The following SYNPR variants were observed in gnomAD, a reference collection of about 807,000 sequenced individuals.
The protein encoded by SYNPR is synaptoporin.
A neutral mutation model predicts 32.9 loss-of-function variants in SYNPR; 23 were observed. The ratio of observed to expected loss-of-function variants is 0.70; its 90% CI spans 0.50 to 0.99. The LOEUF is 0.99. Ranked by LOEUF, SYNPR falls within the 50% of genes least tolerant of loss-of-function variation. SYNPR has a pLI of 0.00. For synonymous variants in SYNPR, 146 were observed against 135.9 expected, an observed-to-expected ratio of 1.07 and a Z score of -0.52; for missense variants, 318 against 349.3, an observed-to-expected ratio of 0.91 and a Z score of 0.71.
chr3:63,584,089 G>A (rs1393654609), intron 4 of SYNPR, among the ~76,000 whole-genome samples: 1 of 152,050 alleles, frequency 6.6e-6, no homozygotes, highest in East Asian at 1.9e-4. Flanking sequence ...TTCTTTTGCT[G>A]TCCTGTCGGC....
At chr3:63,340,292 T>C (rs995852232) in intron 2 of SYNPR, among the ~76,000 whole-genome samples, 3 of 152,168 alleles carry the variant, frequency 2.0e-5, no homozygotes, top group Admixed American at 6.5e-5. Context: ...AGGTTTTGTG[T>C]GGCCATAAGA....
intron 4 of SYNPR, among the ~76,000 whole-genome samples, chr3:63,580,050 G>A (rs1703062169): frequency 6.6e-6 from 1 of 152,080 alleles, no homozygotes; most frequent in South Asian, 2.1e-4. Context: ...TAATAGCTAA[G>A]GAGAAATTCA....
At chr3:63,232,219 T>TTTTTA (rs869164802) in intron 1 of SYNPR, among the ~76,000 whole-genome samples, 1 of 113,906 alleles carries the variant, frequency 8.8e-6, no homozygotes, top group African/African-American at 3.1e-5. Flanking sequence ...TTTTTTTTTT[T>TTTTTA]GAGACAGAGT....
upstream of SYNPR, among the ~76,000 whole-genome samples, chr3:63,274,623 C>T (rs2106911802): frequency 6.6e-6 from 1 of 152,314 alleles, no homozygotes; most frequent in South Asian, 2.1e-4. Flanking sequence ...TTTGGGAAGA[C>T]AGGAAACTTG....
intron 3 of SYNPR, among the ~76,000 whole-genome samples, chr3:63,490,034 G>T (rs940261082): frequency 3.9e-5 from 6 of 152,126 alleles, no homozygotes; most frequent in African/African-American, 1.4e-4. Flanking sequence ...AAATTAGGAA[G>T]GTTAAGGGAT....
At chr3:63,279,529 A>G (rs1335800534) in intron 2 of SYNPR, among the ~76,000 whole-genome samples, 1 of 152,196 alleles carries the variant, frequency 6.6e-6, no homozygotes, top group East Asian at 1.9e-4. Context: ...GGTTACCCAC[A>G]GGGCCACAGA....
At chr3:63,580,066 G>A (rs774867512) in intron 4 of SYNPR, among the ~76,000 whole-genome samples, 4 of 152,102 alleles carry the variant, frequency 2.6e-5, no homozygotes, top group South Asian at 4.1e-4. Flanking sequence ...ATTCATCCTC[G>A]CAGCCATTTC....
At chr3:63,304,617 C>T (rs2086891499) in intron 2 of SYNPR, among the ~76,000 whole-genome samples, 1 of 151,916 alleles carries the variant, frequency 6.6e-6, no homozygotes, top group South Asian at 2.1e-4. Flanking sequence ...AAGTGAGAAT[C>T]ATATGAATGA....
In SYNPR at chr3:63,595,747, A is replaced by AGT. The variant is rs1483225622; in HGVS notation, c.409-13378_409-13377insGT. Among the ~76,000 whole-genome samples the AGT allele has an allele frequency of 2.7e-4, 13 of 47,394 alleles. 3 individuals are homozygous for AGT. The highest frequency in any genetic ancestry group is 3.6e-4 in the Non-Finnish European group (11 of 30,836). The allele number at this position is 47,394 out of a possible 152,430, so 31.1% of individuals were successfully genotyped here. On this transcript the variant is annotated intron_variant, in intron 4 of 5. Coordinates refer to ENST00000478300, the MANE Select transcript of SYNPR (RefSeq NM_001130003.2). ...TATATATATATATATATATATATATATATATATATATATATATATATAATT... is the reference window on the plus strand; with the variant it reads ...TATATATATATATATATATATATATAGTTATATATATATATATATATATAATT...
intron 1 of SYNPR, among the ~76,000 whole-genome samples, chr3:63,232,257 A>T (rs1455245537): frequency 1.6e-5 from 2 of 126,678 alleles, no homozygotes; most frequent in Admixed American, 2.1e-4. Context: ...GCTGGAGTGC[A>T]ATGGCGTGAT....
At chr3:63,242,829 A>C (rs2086258326) in intron 1 of SYNPR, among the ~76,000 whole-genome samples, 1 of 152,122 alleles carries the variant, frequency 6.6e-6, no homozygotes, top group Non-Finnish European at 1.5e-5. Flanking sequence ...ATAGGTAAAA[A>C]AGGAAATAGA....
chr3:63,402,343 G>C (rs1428467384), intron 2 of SYNPR, among the ~76,000 whole-genome samples: 1 of 152,128 alleles, frequency 6.6e-6, no homozygotes, highest in Non-Finnish European at 1.5e-5. Flanking sequence ...GTAGAACGGG[G>C]AGAGGCAGAA....
intron 3 of SYNPR, among the ~76,000 whole-genome samples, chr3:63,517,129 T>C (rs1701815401): frequency 6.6e-6 from 1 of 152,128 alleles, no homozygotes. Flanking sequence ...CTAGATGTTT[T>C]GTAAACCAAA....
chr3:63,269,700 C>T (rs749308990), intron 3 of SYNPR, among the ~76,000 whole-genome samples: 11 of 152,148 alleles, frequency 7.2e-5, no homozygotes, highest in Non-Finnish European at 1.2e-4. Flanking sequence ...TACACAGAAC[C>T]GATATTCTAA....
intron 3 of SYNPR, among the ~76,000 whole-genome samples, chr3:63,513,072 G>A (rs151262836): frequency 1.5e-4 from 23 of 151,914 alleles, no homozygotes; most frequent in Middle Eastern, 3.4e-3. Context: ...CCCCAGAATC[G>A]TATAACTGGC....
At chr3:63,222,466 G>A in the SYNPR span, among the ~76,000 whole-genome samples, 1 of 152,102 alleles carries the variant, frequency 6.6e-6, no homozygotes, top group Admixed American at 6.5e-5. Flanking sequence ...GGTGGCTTAA[G>A]AGAGGATAGT....
intron 1 of SYNPR, among the ~76,000 whole-genome samples, chr3:63,233,888 TC>T (rs1311104290): frequency 1.3e-5 from 2 of 152,136 alleles, no homozygotes; most frequent in African/African-American, 4.8e-5. Flanking sequence ...TGACCCAAAG[TC>T]CCTTCCTTCT....
At position 63,604,485 on chromosome 3, in the gene SYNPR, T is replaced by C. The variant is rs563177218; in HGVS notation, c.409-4640T>C. On this transcript the variant is annotated intron_variant, in intron 4 of 5. Transcript: ENST00000478300. ...ACTTTTTGATGTGGGTGTTTAGTGCTATAAACTTCCCTCTTAACACTGCTT... is the reference window on the plus strand; with the variant it reads ...ACTTTTTGATGTGGGTGTTTAGTGCCATAAACTTCCCTCTTAACACTGCTT... 2.0e-5 allele frequency among the ~76,000 whole-genome samples: 3 copies of C among 152,284 alleles called. No homozygotes were observed. The South Asian group carries it at 6.2e-4, about 32-fold the overall frequency.
chr3:63,519,426 G>A (rs1223560606), intron 3 of SYNPR, among the ~76,000 whole-genome samples: 2 of 152,178 alleles, frequency 1.3e-5, no homozygotes, highest in African/African-American at 4.8e-5. Flanking sequence ...TAAGTGCTCA[G>A]TAAATGTGAA....
Sources: allele counts gnomAD v4.1 joint callset (sites outside exome capture counted in the v4.1 genomes callset), GRCh38; gene constraint gnomAD v4.1.1; transcripts MANE v1.5; gene names NCBI Gene and HGNC (gene_info 2026-07-23, HGNC 2026-07-21).